The following SLC10A1 variants were observed in gnomAD, a reference collection of about 807,000 sequenced individuals.
SLC10A1 encodes the protein hepatic sodium/bile acid cotransporter.
In SLC10A1, 36 loss-of-function variants were observed where a neutral mutation model predicts 20.5. That is an observed-to-expected ratio of 1.75 (90% CI 1.34 to 2.32). The LOEUF (loss-of-function observed/expected upper bound fraction) is 2.32, where lower values mean the gene tolerates loss of function less well. Among genes scored for constraint, SLC10A1 ranks in the 30% most tolerant of loss-of-function variants. SLC10A1 has a pLI of 0.00. For missense variants in SLC10A1, 545 were observed against 439.1 expected (o/e 1.24, Z -2.16); for synonymous variants, 188 against 163.6 (o/e 1.15, Z -1.14).
chr14:69,790,895 C>T (rs8020504), intron 1 of SLC10A1, among the ~76,000 whole-genome samples: 2,535 of 152,074 alleles, frequency 0.017, 62 homozygotes, highest in African/African-American at 0.058. Flanking sequence ...AAGTAATTTT[C>T]CATTATAACT....
At chr14:69,787,597 G>A (rs1883752131) in intron 1 of SLC10A1, among the ~76,000 whole-genome samples, 1 of 152,192 alleles carries the variant, frequency 6.6e-6, no homozygotes, top group African/African-American at 2.4e-5. Flanking sequence ...TAGCCATCAA[G>A]AACAATAGGT....
At chr14:69,790,742 T>C (rs1327875109) in intron 1 of SLC10A1, among the ~76,000 whole-genome samples, 1 of 152,066 alleles carries the variant, frequency 6.6e-6, no homozygotes, top group African/African-American at 2.4e-5. Flanking sequence ...ATAGTCATTA[T>C]TATTACCTGT....
intron 2 of SLC10A1, among the ~76,000 whole-genome samples, chr14:69,784,502 T>C (rs1883667399): frequency 1.3e-5 from 2 of 151,598 alleles, no homozygotes; most frequent in African/African-American, 4.9e-5. Flanking sequence ...TGGAAGGTGT[T>C]TGAGAGGAAG....
At position 69,786,209 on chromosome 14, in the gene SLC10A1, T is replaced by TC; in HGVS notation, c.454dup (p.Asp152GlyfsTer6). ...CACGATGCCTTTATAGGGCACCTTG[T>TC]CCTTCAGGTCCCCATCATAGATCCC... On this transcript the variant is annotated frameshift_variant, in exon 2 of 5. Coordinates refer to ENST00000216540, the MANE Select transcript of SLC10A1 (RefSeq NM_003049.4). LOFTEE classifies it high-confidence loss of function. 3.1e-6 allele frequency: 5 copies of TC among 1,613,916 alleles called. No homozygotes were observed. The highest frequency in any genetic ancestry group is 4.2e-6 in the Non-Finnish European group (5 of 1,179,828).
rs775860392 is a variant in SLC10A1 at position 69,779,377 on chromosome 14, G to A, written c.568-17C>T. The A allele has an allele frequency of 1.3e-6, 2 of 1,597,294 alleles. No homozygotes were observed. The highest frequency in any genetic ancestry group is 4.5e-5 in the East Asian group (2 of 44,538). On this transcript the variant is annotated splice_polypyrimidine_tract_variant and intron_variant, in intron 2 of 4. Transcript: ENST00000216540. ...CATCCCTCCCTGGGAATGAAGACAA[G>A]AAAAGGCAATTAGAAGAGTTGGGGA...
intron 2 of SLC10A1, among the ~76,000 whole-genome samples, chr14:69,782,545 C>T (rs1446499018): frequency 3.9e-5 from 6 of 152,164 alleles, no homozygotes; most frequent in South Asian, 2.1e-4. Context: ...TGGTGGCTCA[C>T]GCCTGTAATC....
chr14:69,786,229 G>A lies in SLC10A1; in HGVS notation c.435C>T (p.Ile145=). 1.2e-6 allele frequency: 2 copies of A among 1,614,012 alleles called. No homozygotes were observed. The highest frequency in any genetic ancestry group is 1.7e-6 in the Non-Finnish European group (2 of 1,179,950). The part of the protein sequence containing the change: ...PLLLYIYSRG[I]YDGDLKDKVP... ...CCTTGTCCTTCAGGTCCCCATCATAGATCCCCCTGGAGTAGATGTACAGGA... is the reference window on the plus strand; with the variant it reads ...CCTTGTCCTTCAGGTCCCCATCATAAATCCCCCTGGAGTAGATGTACAGGA... Residue 145 remains isoleucine, a synonymous_variant, in exon 2 of 5, where the codon ATC becomes ATT. Transcript: ENST00000216540.
chr14:69,789,698 T>C (rs1883797466), intron 1 of SLC10A1, among the ~76,000 whole-genome samples: 1 of 152,204 alleles, frequency 6.6e-6, no homozygotes, highest in Admixed American at 6.5e-5. Context: ...ATGTGAATTA[T>C]ATCTCAATAA....
At chr14:69,779,160 T>TAAA (rs4646291) in intron 3 of SLC10A1, 22 bp downstream of exon 3, 15 of 1,396,486 alleles carry the variant, frequency 1.1e-5, no homozygotes, top group African/African-American at 3.1e-5. Context: ...GACCCTTTCT[T>TAAA]AAAAAAAAAA....
At chr14:69,792,452 A>G (rs1882293743) in intron 1 of SLC10A1, among the ~76,000 whole-genome samples, 1 of 152,218 alleles carries the variant, frequency 6.6e-6, no homozygotes, top group South Asian at 2.1e-4. Context: ...ACACGTGGAA[A>G]TGTGGTAGGC....
At position 69,786,466 on chromosome 14, in the gene SLC10A1, C is replaced by T. The variant is rs190547040; in HGVS notation, c.357-159G>A. Among the ~76,000 whole-genome samples, 17 of 152,304 alleles carry T rather than the reference C, an allele frequency of 1.1e-4. No homozygotes were observed. In the East Asian group the frequency reaches 2.9e-3, roughly 26 times the overall value. On this transcript the variant is annotated intron_variant, in intron 1 of 4. Transcript: ENST00000216540. The stretch of plus-strand genomic sequence containing the variant: ...GGCAGTAAGCATACTATCTTCTTTT[C>T]GCTGACAAGGAAGCTGGGGACTAGA...
chr14:69,790,563 T>G (rs1271660024), intron 1 of SLC10A1, among the ~76,000 whole-genome samples: 1 of 152,076 alleles, frequency 6.6e-6, no homozygotes, highest in African/African-American at 2.4e-5. Context: ...ATTTTGTAGC[T>G]ATAGAAAAGT....
chr14:69,786,296 G>A lies in SLC10A1; in HGVS notation c.368C>T (p.Thr123Ile), dbSNP rs758692346. ...KGDMNLSIVMTTCSTFCALGM... is the reference protein window; with the variant it reads ...KGDMNLSIVMITCSTFCALGM... ...AAGGGCACAGAAGGTGGAGCAGGTG[G>A]TCATCACAATGCTGGTGGGAGACAT... is the stretch of plus-strand genomic sequence containing the variant. Residue 123 changes from threonine to isoleucine, a missense_variant, in exon 2 of 5, where the codon ACC (threonine) becomes ATC (isoleucine). Transcript: ENST00000216540. 32 of 1,613,906 alleles carry A rather than the reference G, an allele frequency of 2.0e-5. No individual in the cohort carries two copies. Among genetic ancestry groups the A allele is most frequent in the East Asian group, 2.2e-5 (1 of 44,894 alleles).
intron 2 of SLC10A1, among the ~76,000 whole-genome samples, chr14:69,781,660 G>A (rs1445420769): frequency 1.3e-5 from 2 of 152,220 alleles, no homozygotes; most frequent in Admixed American, 6.5e-5. Context: ...CAATGAAATG[G>A]TGGGATCCTT....
At chr14:69,786,644 A>C (rs1883721764) in intron 1 of SLC10A1, among the ~76,000 whole-genome samples, 1 of 152,094 alleles carries the variant, frequency 6.6e-6, no homozygotes, top group African/African-American at 2.4e-5. Flanking sequence ...TTTCGCATTG[A>C]GCACCTCCCC....
intron 1 of SLC10A1, among the ~76,000 whole-genome samples, chr14:69,788,925 A>G (rs1182579743): frequency 6.6e-6 from 1 of 152,232 alleles, no homozygotes; most frequent in Non-Finnish European, 1.5e-5. Flanking sequence ...ATATTTTCCC[A>G]AAGAAGATAT....
In SLC10A1 at chr14:69,779,179, T is replaced by TA. The variant is rs759972626; in HGVS notation, c.746+2dup. On this transcript the variant is annotated splice_region_variant and intron_variant, in intron 3 of 4. Transcript: ENST00000216540. ...CTTTCTTAAAAAAAAAAAAAATACC[T>TA]ACCGTCCATTGAGGCAGAAGAGAGC... The TA allele has an allele frequency of 8.3e-5, 130 of 1,571,096 alleles. No homozygotes were observed. In the Admixed American group the frequency reaches 1.5e-3, roughly 19 times the overall value.
At chr14:69,786,638 G>T (rs147318230) in intron 1 of SLC10A1, among the ~76,000 whole-genome samples, 2 of 152,054 alleles carry the variant, frequency 1.3e-5, no homozygotes, top group African/African-American at 4.8e-5. Flanking sequence ...AACCCTTTTC[G>T]CATTGAGCAC....
rs886148204 is a variant in SLC10A1, at chr14:69,775,416, T to A, written c.*866A>T. The A allele has an allele frequency of 1.8e-4, 27 of 152,244 alleles. No homozygotes were observed. Among genetic ancestry groups the A allele is most frequent in the African/African-American group, 6.5e-4 (27 of 41,444 alleles). The allele number at this position is 152,244 out of a possible 1,614,324, so 9.4% of individuals were successfully genotyped here. A position where few individuals can be genotyped will look rare whatever the true frequency, so the allele number is the denominator to read the frequency against. The stretch of plus-strand genomic sequence containing the variant: ...CATTTACTTGATCCTTATTTACATA[T>A]GATATGCAAAATGTTTAAATTTTAT... On this transcript the variant is annotated 3_prime_UTR_variant, in exon 5 of 5. Coordinates refer to ENST00000216540, the MANE Select transcript of SLC10A1 (RefSeq NM_003049.4).
Sources: gnomAD v4.1 joint callset for allele counts (sites outside exome capture counted in the v4.1 genomes callset) on GRCh38, gnomAD v4.1.1 for gene constraint, MANE v1.5 for transcripts, NCBI Gene and HGNC (gene_info 2026-07-23, HGNC 2026-07-21) for gene names.